The following RASEF variants were observed in gnomAD, a reference collection of about 807,000 sequenced individuals.
RASEF encodes RAS and EF-hand domain containing.
A neutral mutation model predicts 90.1 loss-of-function variants in RASEF; 68 were observed. That is an observed-to-expected ratio of 0.75 (90% CI 0.62 to 0.92). RASEF has a LOEUF of 0.92. Among genes scored for constraint, RASEF ranks in the 40% least tolerant of loss-of-function variants. RASEF has a pLI of 0.00. For missense variants in RASEF, 949 were observed against 937.2 expected, an observed-to-expected ratio of 1.01 and a Z score of -0.16; for synonymous variants, 331 against 345.2, an observed-to-expected ratio of 0.96 and a Z score of 0.46.
the RASEF span, among the ~76,000 whole-genome samples, chr9:83,113,267 C>G: frequency 6.6e-6 from 1 of 152,172 alleles, no homozygotes; most frequent in Admixed American, 6.5e-5. Flanking sequence ...TTTATCACTT[C>G]CCTAATAATA....
chr9:83,113,680 C>T, the RASEF span, among the ~76,000 whole-genome samples: 18 of 152,166 alleles, frequency 1.2e-4, no homozygotes, highest in Non-Finnish European at 2.2e-4. Context: ...GAGATAAGGA[C>T]TGAAATACAC....
At chr9:83,011,550 CA>C (rs71363083) in intron 5 of RASEF, among the ~76,000 whole-genome samples, 340 of 28,084 alleles carry the variant, frequency 0.012, 1 homozygote, top group African/African-American at 0.036. Flanking sequence ...GACTCCATCT[CA>C]AAAAAAAAAA....
At chr9:83,067,385 C>T (rs72740873), upstream of RASEF, among the ~76,000 whole-genome samples, 922 of 152,162 alleles carry the variant, frequency 6.1e-3, 6 homozygotes, top group Middle Eastern at 0.048. Context: ...AATGTGTCAG[C>T]GTATATCATA....
At chr9:83,188,277 G>T in the RASEF span, among the ~76,000 whole-genome samples, 1 of 152,264 alleles carries the variant, frequency 6.6e-6, no homozygotes, top group African/African-American at 2.4e-5. Context: ...TGGCCAGGAA[G>T]GTGTAATGGA....
At chr9:83,164,052 A>G in the RASEF span, among the ~76,000 whole-genome samples, 9 of 150,952 alleles carry the variant, frequency 6.0e-5, no homozygotes, top group Non-Finnish European at 8.9e-5. Context: ...CTATCCTTCA[A>G]AAATGAAGGA....
the RASEF span, among the ~76,000 whole-genome samples, chr9:83,208,100 G>A: frequency 2.0e-5 from 3 of 152,104 alleles, no homozygotes; most frequent in South Asian, 2.1e-4. Flanking sequence ...TGTCGCTGTC[G>A]CAGGGGGCTG....
the RASEF span, among the ~76,000 whole-genome samples, chr9:83,109,072 C>T: frequency 1.8e-4 from 27 of 152,184 alleles, no homozygotes; most frequent in Admixed American, 7.9e-4. Flanking sequence ...AGAATATTGG[C>T]ACATCTATTC....
chr9:83,169,317 G>A, the RASEF span, among the ~76,000 whole-genome samples: 1 of 150,596 alleles, frequency 6.6e-6, no homozygotes, highest in Non-Finnish European at 1.5e-5. Flanking sequence ...AAACATGACA[G>A]TGCAAATAAT....
chr9:83,143,566 T>C, the RASEF span, among the ~76,000 whole-genome samples: 1 of 152,154 alleles, frequency 6.6e-6, no homozygotes, highest in Non-Finnish European at 1.5e-5. Flanking sequence ...GTTAATATTA[T>C]TGTTAAGTAA....
the RASEF span, among the ~76,000 whole-genome samples, chr9:83,117,254 CCT>C: frequency 6.6e-6 from 1 of 152,124 alleles, no homozygotes; most frequent in Admixed American, 6.5e-5. Context: ...AAGATGGCAG[CCT>C]CTCTCTACAG....
At chr9:83,123,154 C>T in the RASEF span, among the ~76,000 whole-genome samples, 1 of 150,532 alleles carries the variant, frequency 6.6e-6, no homozygotes, top group African/African-American at 2.5e-5. Context: ...GCAGGAGAAT[C>T]ACTTGAATCC....
intron 1 of RASEF, among the ~76,000 whole-genome samples, chr9:83,058,147 C>T (rs945016468): frequency 2.8e-5 from 4 of 144,924 alleles, no homozygotes; most frequent in African/African-American, 5.0e-5. Context: ...TCTTGCTCTC[C>T]GGCTCACTCC....
chr9:83,206,939 C>T, the RASEF span, among the ~76,000 whole-genome samples: 1 of 152,082 alleles, frequency 6.6e-6, no homozygotes, highest in Non-Finnish European at 1.5e-5. Context: ...TCCACTGTTG[C>T]GTCTTCCCGT....
intron 8 of RASEF, among the ~76,000 whole-genome samples, chr9:83,004,945 T>A (rs1465508052): frequency 6.6e-6 from 1 of 152,164 alleles, no homozygotes; most frequent in Admixed American, 6.5e-5. Flanking sequence ...CTCCTCCATA[T>A]CCCAATACGA....
the RASEF span, among the ~76,000 whole-genome samples, chr9:83,115,955 A>G: frequency 1.1e-3 from 165 of 152,324 alleles, no homozygotes; most frequent in African/African-American, 3.8e-3. Context: ...CTATCTAAAT[A>G]GTAACAGTTT....
At chr9:83,164,373 A>ATATATATATATATATATATATATG in the RASEF span, among the ~76,000 whole-genome samples, 83 of 141,898 alleles carry the variant, frequency 5.8e-4, no homozygotes, top group Non-Finnish European at 1.0e-3. Context: ...ATATATATAT[A>ATATATATATATATATATATATATG]TGTGTGTGTG....
At chr9:83,194,688 C>T in the RASEF span, among the ~76,000 whole-genome samples, 1 of 152,294 alleles carries the variant, frequency 6.6e-6, no homozygotes, top group Admixed American at 6.5e-5. Flanking sequence ...TATCTCTTCT[C>T]CCCCGTTTAT....
chr9:82,982,506 AAAG>A lies in RASEF; in HGVS notation c.*168_*170del. ...CCCAAATCACTCACTGAGACAAAACAAAGAAGAGCCAAAGTTCCAGAGGGACCT... is the reference window on the plus strand; with the variant it reads ...CCCAAATCACTCACTGAGACAAAACAAAGAGCCAAAGTTCCAGAGGGACCT... On this transcript the variant is annotated 3_prime_UTR_variant, in exon 17 of 17. Transcript: ENST00000376447. 3.6e-6 allele frequency: 2 copies of A among 552,392 alleles called. No individual in the cohort carries two copies. Among genetic ancestry groups the A allele is most frequent in the South Asian group, 2.2e-5 (1 of 44,716 alleles). 34.2% of individuals were successfully genotyped at this position (552,392 alleles called of 1,614,324 possible).
At chr9:83,213,093 TAA>T in the RASEF span, among the ~76,000 whole-genome samples, 4 of 145,726 alleles carry the variant, frequency 2.7e-5, no homozygotes, top group African/African-American at 2.5e-5. Context: ...GCACACGTTT[TAA>T]AAAAAAAAAA....
Sources: gnomAD v4.1 joint callset for allele counts (sites outside exome capture counted in the v4.1 genomes callset) on GRCh38, gnomAD v4.1.1 for gene constraint, MANE v1.5 for transcripts, NCBI Gene and HGNC (gene_info 2026-07-23, HGNC 2026-07-21) for gene names.